The following ARHGEF40 variants were observed in gnomAD, a reference collection of about 807,000 sequenced individuals.
ARHGEF40 encodes the protein Rho guanine nucleotide exchange factor (GEF) 40.
Under a neutral mutation model 165.9 loss-of-function variants are expected in ARHGEF40, and 98 were observed. The ratio of observed to expected loss-of-function variants is 0.59; its 90% CI spans 0.50 to 0.70. The LOEUF (loss-of-function observed/expected upper bound fraction) is 0.70, where lower values mean the gene tolerates loss of function less well. Among genes scored for constraint, ARHGEF40 ranks in the 30% least tolerant of loss-of-function variants. ARHGEF40 has a pLI of 0.00. For synonymous variants in ARHGEF40, 792 were observed against 814.3 expected (o/e 0.97, Z 0.47); for missense variants, 1,815 against 1,968.0 (o/e 0.92, Z 1.47).
chr14:21,068,895 G>T (rs559807507), upstream of ARHGEF40, among the ~76,000 whole-genome samples: 18 of 152,364 alleles, frequency 1.2e-4, no homozygotes, highest in South Asian at 3.5e-3. Flanking sequence ...AGCGTCCAGA[G>T]GAGGTGAGAG....
rs950644581 is a variant in ARHGEF40 at position 21,070,320 on chromosome 14, G to A, written c.-77G>A. Reference sequence around the variant, plus strand: ...CCCTTAGCCAGACCCGGCGAGACACGAGCGGCGGGAGGGAGGCGGTGGCGC... The same window carrying A: ...CCCTTAGCCAGACCCGGCGAGACACAAGCGGCGGGAGGGAGGCGGTGGCGC... On this transcript the variant is annotated 5_prime_UTR_variant, in exon 1 of 24. Transcript: ENST00000298694. The surrounding 1 kb of genome is among the most constrained non-coding windows in gnomAD (Gnocchi z 4.7). 4 of 1,384,440 alleles carry A rather than the reference G, an allele frequency of 2.9e-6. No individual in the cohort carries two copies. The African/African-American group carries it at 6.1e-5, about 21-fold the overall frequency. 85.8% of individuals were successfully genotyped at this position (1,384,440 alleles called of 1,614,324 possible). A position where few individuals can be genotyped will look rare whatever the true frequency, so the allele number is the denominator to read the frequency against.
At chr14:21,078,599 C>A (rs2139232907) in intron 10 of ARHGEF40, 111 bp downstream of exon 10, 2 of 1,125,270 alleles carry the variant, frequency 1.8e-6, no homozygotes, top group Non-Finnish European at 2.5e-6. Context: ...TGTATCTGGG[C>A]AAGATACTAT....
At chr14:21,076,298 C>A (rs1887407720) in intron 5 of ARHGEF40, 62 bp from the exon 6 acceptor site, 1 of 1,384,482 alleles carries the variant, frequency 7.2e-7, no homozygotes, top group Admixed American at 1.8e-5. Flanking sequence ...TCTGCCTTGC[C>A]TTATCTGCTA....
intron 8 of ARHGEF40, 28 bp downstream of exon 8, chr14:21,076,918 G>A (rs199823569): frequency 1.3e-6 from 2 of 1,579,768 alleles, no homozygotes; most frequent in Non-Finnish European, 1.7e-6. Flanking sequence ...CACCTAGCAT[G>A]CTGGGAGCCA....
At position 21,074,335 on chromosome 14, in the gene ARHGEF40, C is replaced by G. The variant is rs1446104296; in HGVS notation, c.605C>G (p.Pro202Arg). ...GTTGGACATCAGCCAAGTACACTGCCCCCAGAACTGCCCTCTGGACCTCCA... is the reference window on the plus strand; with the variant it reads ...GTTGGACATCAGCCAAGTACACTGCGCCCAGAACTGCCCTCTGGACCTCCA... The part of the protein sequence containing the change: ...LMVGHQPSTL[P>R]PELPSGPPGL... Residue 202 changes from proline to arginine, a missense_variant, in exon 3 of 24, where the codon CCC (proline) becomes CGC (arginine). Physicochemically the swap from Pro to Arg is moderately radical, Grantham distance 103. Coordinates refer to ENST00000298694, the MANE Select transcript of ARHGEF40 (RefSeq NM_018071.5). The surrounding 1 kb of genome is among the most constrained non-coding windows in gnomAD (Gnocchi z 4.8). The G allele has an allele frequency of 6.2e-7, 1 of 1,614,188 alleles. No individual in the cohort carries two copies. The highest frequency in any genetic ancestry group is 1.1e-5 in the South Asian group (1 of 91,086).
chr14:21,080,711 A>C lies in ARHGEF40; in HGVS notation c.2425A>C (p.Met809Leu), dbSNP rs575949494. 8 of 1,612,278 alleles carry C rather than the reference A, an allele frequency of 5.0e-6. No homozygotes were observed. Among genetic ancestry groups the C allele is most frequent in the South Asian group, 1.1e-5 (1 of 90,806 alleles). Residue 809 changes from methionine (M) to leucine (L), a missense_variant, in exon 12 of 24, where the codon ATG (methionine) becomes CTG (leucine). Coordinates refer to ENST00000298694, the MANE Select transcript of ARHGEF40 (RefSeq NM_018071.5). ...GGAGGAGCAGCTGGCAAGCTTTGCT[A>C]TGCCTGGGGACACCTTGTCTGCCCT... ...PGEEQLASFAMPGDTLSALQE... is the reference protein window; with the variant it reads ...PGEEQLASFALPGDTLSALQE...
chr14:21,082,704 G>A, intron 15 of ARHGEF40, 127 bp from the exon 16 acceptor site: 7 of 1,108,386 alleles, frequency 6.3e-6, no homozygotes, highest in Non-Finnish European at 9.2e-6. Flanking sequence ...TTCCCTCCCT[G>A]GTAGGCTGAG....
chr14:21,076,137 A>T (rs1263778664), intron 5 of ARHGEF40, among the ~76,000 whole-genome samples: 1 of 152,198 alleles, frequency 6.6e-6, no homozygotes, highest in Admixed American at 6.5e-5. Context: ...TAATCCCTTG[A>T]CCTAGTAGCC....
intron 7 of ARHGEF40, 54 bp downstream of exon 7, chr14:21,076,697 G>A: frequency 6.2e-7 from 1 of 1,608,892 alleles, no homozygotes; most frequent in Non-Finnish European, 8.5e-7. Context: ...GAGAGGAGAA[G>A]AGGCTGGCTG....
Position 21,073,264 on chromosome 14 carries a change from T to C in ARHGEF40, c.201+22T>C, listed in dbSNP as rs763752689. Reference sequence around the variant, plus strand: ...CTGTGTGAGTGGCCGTGCATCACTATTCTGCCTTCCCCAAGATCCACTGCC... The same window carrying C: ...CTGTGTGAGTGGCCGTGCATCACTACTCTGCCTTCCCCAAGATCCACTGCC... On this transcript the variant is annotated intron_variant, in intron 2 of 23. Transcript: ENST00000298694. This position sits in a 1 kb window ranked among gnomAD's most constrained non-coding sequence, Gnocchi z 4.6. The C allele has an allele frequency of 1.3e-6, 2 of 1,577,094 alleles. No individual in the cohort carries two copies. The highest frequency in any genetic ancestry group is 1.7e-6 in the Non-Finnish European group (2 of 1,161,770).
chr14:21,077,279 AT>A (rs143561266), intron 8 of ARHGEF40, among the ~76,000 whole-genome samples: 2,467 of 108,478 alleles, frequency 0.023, 17 homozygotes, highest in Middle Eastern at 0.03. Context: ...TAGTTTTTGT[AT>A]TTTTTTTTTT....
Position 21,075,075 on chromosome 14 carries a change from A to G in ARHGEF40, c.1345A>G (p.Lys449Glu), listed in dbSNP as rs1305591148. 2 of 1,614,032 alleles carry G rather than the reference A, an allele frequency of 1.2e-6. No individual in the cohort carries two copies. Among genetic ancestry groups the G allele is most frequent in the Admixed American group, 3.3e-5 (2 of 60,002 alleles). Residue 449 changes from lysine (K) to glutamate (E), a missense_variant, in exon 3 of 24, where the codon AAA (lysine) becomes GAA (glutamate). Transcript: ENST00000298694. The surrounding 1 kb of genome is among the most constrained non-coding windows in gnomAD (Gnocchi z 4.5). Reference sequence around the variant, plus strand: ...GCCAGAATCTGAGCCAAAAGAGCTCAAAACAGCAGGCGAGAAAGAGCCTCA... The same window carrying G: ...GCCAGAATCTGAGCCAAAAGAGCTCGAAACAGCAGGCGAGAAAGAGCCTCA... ...GKPESEPKEL[K>E]TAGEKEPQLS... is the part of the protein sequence containing the mutation.
chr14:21,085,048 C>A, intron 18 of ARHGEF40, 125 bp downstream of exon 18: 1 of 1,236,496 alleles, frequency 8.1e-7, no homozygotes, highest in Non-Finnish European at 1.1e-6. Flanking sequence ...TAGGCTTTGG[C>A]TTGTAATCGA....
At chr14:21,083,766 C>A in intron 16 of ARHGEF40, 69 bp from the exon 17 acceptor site, 1 of 1,473,292 alleles carries the variant, frequency 6.8e-7, no homozygotes, top group Non-Finnish European at 9.2e-7. Context: ...CCACCTACCC[C>A]CCAACCCCTG....
chr14:21,078,889 A>G lies in ARHGEF40; in HGVS notation c.2252A>G (p.Glu751Gly). The change falls in exon 11 of 24, where the codon GAG becomes GGG. Residue 751 changes from glutamate to glycine, a missense_variant. Physicochemically the swap from Glu to Gly is moderately conservative, Grantham distance 98. Transcript: ENST00000298694. Reference sequence around the variant, plus strand: ...CTTCTCTGCTCCTTCCCAAGGCTGGAGGGCCAAGGCCCAGCTACACTGTAT... The same window carrying G: ...CTTCTCTGCTCCTTCCCAAGGCTGGGGGGCCAAGGCCCAGCTACACTGTAT... ...RLRSTPSSKL[E>G]GQGPATLYQE... is the part of the protein sequence containing the mutation. 6.2e-7 allele frequency: 1 copy of G among 1,612,480 alleles called. No homozygotes were observed. Among genetic ancestry groups the G allele is most frequent in the South Asian group, 1.1e-5 (1 of 91,054 alleles).
chr14:21,072,695 G>C lies in ARHGEF40; in HGVS notation c.4-350G>C, dbSNP rs1003974444. 1.3e-5 allele frequency among the ~76,000 whole-genome samples: 2 copies of C among 152,144 alleles called. No individual in the cohort carries two copies. Among genetic ancestry groups the C allele is most frequent in the African/African-American group, 2.4e-5 (1 of 41,440 alleles). ...TTCTCAGCCATAAGCTCAGTCCCCTGATAGCCCAGAAGCCTGTCTTTTCTC... is the reference window on the plus strand; with the variant it reads ...TTCTCAGCCATAAGCTCAGTCCCCTCATAGCCCAGAAGCCTGTCTTTTCTC... On this transcript the variant is annotated intron_variant, in intron 1 of 23. Transcript: ENST00000298694. This position sits in a 1 kb window ranked among gnomAD's most constrained non-coding sequence, Gnocchi z 4.1.
chr14:21,082,057 T>A lies in ARHGEF40; in HGVS notation c.3189T>A (p.Ala1063=), dbSNP rs910769090. 4.5e-6 allele frequency: 7 copies of A among 1,560,668 alleles called. No homozygotes were observed. Among genetic ancestry groups the A allele is most frequent in the Non-Finnish European group, 6.1e-6 (7 of 1,152,340 alleles). The part of the protein sequence containing the change: ...SPREHVLLGR[A]RGPDGPWGVG... ...GGGAACACGTGCTGCTGGGCCGGGC[T>A]AGGGGGCCAGACGGACCCTGGGGAG... Residue 1063 remains alanine, a synonymous_variant, in exon 14 of 24, where the codon GCT becomes GCA. Transcript: ENST00000298694.
Position 21,070,354 on chromosome 14 carries a change from C to A in ARHGEF40, c.-43C>A. On this transcript the variant is annotated 5_prime_UTR_variant, in exon 1 of 24. Coordinates refer to ENST00000298694, the MANE Select transcript of ARHGEF40 (RefSeq NM_018071.5). The surrounding 1 kb of genome is among the most constrained non-coding windows in gnomAD (Gnocchi z 4.7). ...GAGGGAGGCGGTGGCGCGCCCGGCC[C>A]CGCCCGCCCGACCAAGCGTCGGACG... is the stretch of plus-strand genomic sequence containing the variant. The A allele has an allele frequency of 7.1e-7, 1 of 1,408,626 alleles. No homozygotes were observed. The highest frequency in any genetic ancestry group is 1.5e-5 in the South Asian group (1 of 66,400). The allele number at this position is 1,408,626 out of a possible 1,614,324, so 87.3% of individuals were successfully genotyped here. A position where few individuals can be genotyped will look rare whatever the true frequency, so the allele number is the denominator to read the frequency against.
At chr14:21,071,489 A>C (rs1886857380) in intron 1 of ARHGEF40, among the ~76,000 whole-genome samples, 1 of 152,172 alleles carries the variant, frequency 6.6e-6, no homozygotes, top group South Asian at 2.1e-4. Context: ...AGGCTGGAGG[A>C]AAAAGAAAGA....
Sources: gnomAD v4.1 joint callset for allele counts (sites outside exome capture counted in the v4.1 genomes callset) on GRCh38, gnomAD v4.1.1 for gene constraint, Gnocchi (gnomAD v3.1) non-coding constraint, MANE v1.5 for transcripts, NCBI Gene and HGNC (gene_info 2026-07-23, HGNC 2026-07-21) for gene names.